ISY1: variants seen among roughly 807,000 people sequenced by gnomAD.
The protein encoded by ISY1 is ISY1 spliceosome associated protein.
In ISY1, 12 loss-of-function variants were observed where a neutral mutation model predicts 54.4. The observed-to-expected ratio is 0.22, with a 90% CI of 0.14 to 0.36. The LOEUF (loss-of-function observed/expected upper bound fraction) is 0.36, where lower values mean the gene tolerates loss of function less well. Ranked by LOEUF, ISY1 falls within the 10% of genes least tolerant of loss-of-function variation. ISY1 has a pLI of 1.00. For synonymous variants in ISY1, 96 were observed against 117.9 expected (o/e 0.81, Z 1.20); for missense variants, 282 against 342.2 (o/e 0.82, Z 1.39).
Position 129,130,654 on chromosome 3 carries a change from G to C in ISY1, c.664-18C>G. 1.2e-6 allele frequency: 2 copies of C among 1,613,492 alleles called. No individual in the cohort carries two copies. Among genetic ancestry groups the C allele is most frequent in the Non-Finnish European group, 1.7e-6 (2 of 1,179,726 alleles). The stretch of plus-strand genomic sequence containing the variant: ...TCGTCCGACTACAAACAGAACAAAC[G>C]AAAGTCCATCAGTAGGCGCCCAGCT... On this transcript the variant is annotated intron_variant, in intron 9 of 10. Transcript: ENST00000393295.
chr3:129,130,251 A>G (rs951988933), intron 10 of ISY1, 63 bp from the exon 11 acceptor site: 36 of 1,519,740 alleles, frequency 2.4e-5, no homozygotes, highest in Non-Finnish European at 3.0e-5. Context: ...TGCCAGACCC[A>G]GCCAGGAGGA....
In ISY1 at chr3:129,127,434, G is replaced by T. The variant is rs1333645190; in HGVS notation, c.*2647C>A. 1 of 152,218 alleles carries T rather than the reference G, an allele frequency of 6.6e-6. No individual in the cohort carries two copies. The highest frequency in any genetic ancestry group is 1.5e-5 in the Non-Finnish European group (1 of 68,034). The allele number at this position is 152,218 out of a possible 1,614,324, so 9.4% of individuals were successfully genotyped here. A position where few individuals can be genotyped will look rare whatever the true frequency, so the allele number is the denominator to read the frequency against. On this transcript the variant is annotated 3_prime_UTR_variant, in exon 11 of 11. Coordinates refer to ENST00000393295, the MANE Select transcript of ISY1 (RefSeq NM_020701.4). ...CAAAGCTAAAATAAACCATTCAGTA[G>T]ATTTTATTAACCAAACAAAGCCTCC...
chr3:129,160,779 G>A (rs1324521598), intron 1 of ISY1, among the ~76,000 whole-genome samples, 194 bp downstream of exon 1: 1 of 152,168 alleles, frequency 6.6e-6, no homozygotes, highest in Non-Finnish European at 1.5e-5. Flanking sequence ...CAGTAACGCG[G>A]CTCCCGAGTT....
chr3:129,133,865 G>A (rs1936309676), intron 9 of ISY1, among the ~76,000 whole-genome samples: 1 of 152,164 alleles, frequency 6.6e-6, no homozygotes, highest in Non-Finnish European at 1.5e-5. Flanking sequence ...AGGAAGCCCT[G>A]GTGTAAAGCA....
intron 6 of ISY1, among the ~76,000 whole-genome samples, chr3:129,143,505 CAA>C (rs1360448569): frequency 9.6e-5 from 6 of 62,478 alleles, no homozygotes; most frequent in Non-Finnish European, 9.8e-5. Flanking sequence ...GACTCTGTCT[CAA>C]AAAAAAAAAA....
chr3:129,154,667 C>G (rs1937080977), intron 5 of ISY1, among the ~76,000 whole-genome samples: 1 of 148,922 alleles, frequency 6.7e-6, no homozygotes, highest in African/African-American at 2.4e-5. Flanking sequence ...GTCAGTCTGA[C>G]TAGAAGTTTA....
At chr3:129,147,383 T>G (rs1936798748) in intron 5 of ISY1, among the ~76,000 whole-genome samples, 1 of 151,464 alleles carries the variant, frequency 6.6e-6, no homozygotes, top group South Asian at 2.1e-4. Flanking sequence ...TCACAAAAAA[T>G]AAAAAAATAA....
intron 5 of ISY1, among the ~76,000 whole-genome samples, chr3:129,149,427 CAA>C (rs767849123): frequency 2.9e-4 from 7 of 24,214 alleles, no homozygotes; most frequent in South Asian, 1.5e-3. Context: ...AACTCTATCT[CAA>C]AAAAAAAAAA....
chr3:129,133,994 G>T, intron 9 of ISY1, 80 bp downstream of exon 9: 1 of 1,590,894 alleles, frequency 6.3e-7, no homozygotes. Context: ...CTCTGTATTT[G>T]GGAGCCAAGT....
At chr3:129,156,145 T>TC (rs1937130019) in intron 5 of ISY1, among the ~76,000 whole-genome samples, 1 of 151,964 alleles carries the variant, frequency 6.6e-6, no homozygotes, top group African/African-American at 2.4e-5. Context: ...ATACCTATAA[T>TC]CCCAGCACTT....
At chr3:129,146,847 C>A (rs1354689943) in intron 5 of ISY1, among the ~76,000 whole-genome samples, 16 of 152,080 alleles carry the variant, frequency 1.1e-4, no homozygotes, top group Non-Finnish European at 1.5e-5. Flanking sequence ...TGCTTGAGCT[C>A]AGGAGTTCAA....
At chr3:129,137,417 A>T (rs1936442785) in intron 7 of ISY1, among the ~76,000 whole-genome samples, 1 of 152,224 alleles carries the variant, frequency 6.6e-6, no homozygotes, top group Non-Finnish European at 1.5e-5. Context: ...AAATAAATTT[A>T]AAAACCCAAA....
chr3:129,133,116 G>A (rs1465357776), intron 9 of ISY1, among the ~76,000 whole-genome samples: 2 of 152,150 alleles, frequency 1.3e-5, no homozygotes, highest in African/African-American at 4.8e-5. Flanking sequence ...GATTTCAAAT[G>A]TTGAATTTTC....
chr3:129,132,926 A>G (rs1415683505), intron 9 of ISY1, among the ~76,000 whole-genome samples: 1 of 152,134 alleles, frequency 6.6e-6, no homozygotes, highest in Non-Finnish European at 1.5e-5. Flanking sequence ...ACTAAACCTG[A>G]GCCTGCTTCT....
chr3:129,160,881 G>T, intron 1 of ISY1, 92 bp downstream of exon 1: 1 of 1,476,506 alleles, frequency 6.8e-7, no homozygotes, highest in South Asian at 1.2e-5. Context: ...CTGCACGTCT[G>T]AGCCTCTACC....
At chr3:129,133,750 C>T (rs955044132) in intron 9 of ISY1, among the ~76,000 whole-genome samples, 1 of 152,128 alleles carries the variant, frequency 6.6e-6, no homozygotes, top group African/African-American at 2.4e-5. Flanking sequence ...GCCACTGACA[C>T]GTGAACAGAA....
chr3:129,159,223 T>G (rs756907472), intron 1 of ISY1, 47 bp from the exon 2 acceptor site: 10 of 1,582,956 alleles, frequency 6.3e-6, no homozygotes, highest in Non-Finnish European at 8.5e-6. Flanking sequence ...TTAAAATATA[T>G]TTTTTTCTTG....
chr3:129,160,918 G>GGCCCCGGGGGGGGGGGGCCC lies in ISY1; in HGVS notation c.3+54_3+55insGGGCCCCCCCCCCCCGGGGC. 2 of 666,126 alleles carry GGCCCCGGGGGGGGGGGGCCC rather than the reference G, an allele frequency of 3.0e-6. 1 individual carries two copies. Among genetic ancestry groups the GGCCCCGGGGGGGGGGGGCCC allele is most frequent in the Non-Finnish European group, 5.5e-6 (2 of 364,542 alleles). 41.3% of individuals were successfully genotyped at this position (666,126 alleles called of 1,614,324 possible). On this transcript the variant is annotated intron_variant, in intron 1 of 10. Coordinates refer to ENST00000393295, the MANE Select transcript of ISY1 (RefSeq NM_020701.4). ...AATGAGCGCCCCAGGTGGACTGGGC[G>GGCCCCGGGGGGGGGGGGCCC]CCCCCCCGCCCGCCCGCCCATCCAC...
Position 129,134,822 on chromosome 3 carries a change from A to G in ISY1, c.541+10T>C, listed in dbSNP as rs780993991. 4 of 1,602,488 alleles carry G rather than the reference A, an allele frequency of 2.5e-6. No homozygotes were observed. The highest frequency in any genetic ancestry group is 3.4e-6 in the Non-Finnish European group (4 of 1,173,118). On this transcript the variant is annotated intron_variant, in intron 8 of 10. Transcript: ENST00000393295. ...CCATCTATTATGAAATAAAATGCCC[A>G]GAGACCTACGTTTCTTTTCATATTC...
Sources: allele counts gnomAD v4.1 joint callset (sites outside exome capture counted in the v4.1 genomes callset), GRCh38; gene constraint gnomAD v4.1.1; transcripts MANE v1.5; gene names NCBI Gene and HGNC (gene_info 2026-07-23, HGNC 2026-07-21).